The following OR2A5 variants were observed in gnomAD, a reference collection of about 807,000 sequenced individuals.
OR2A5 encodes the protein olfactory receptor family 2 subfamily A member 5.
In OR2A5, 2 loss-of-function variants were observed where a neutral mutation model predicts 1.9. That is an observed-to-expected ratio of 1.04 (90% CI 0.43 to 3.28). The LOEUF is 3.28. Among genes scored for constraint, OR2A5 ranks in the 30% most tolerant of loss-of-function variants. The pLI, the probability that OR2A5 is intolerant of heterozygous loss-of-function variation, is 0.08. For synonymous variants in OR2A5, 160 were observed against 154.5 expected (o/e 1.04, Z -0.26); for missense variants, 391 against 375.9 (o/e 1.04, Z -0.33).
rs2050948036 is a variant in OR2A5 at position 144,057,202 on chromosome 7, A to C, written c.*5865A>C. The C allele has an allele frequency of 6.6e-6, 1 of 152,320 alleles. No homozygotes were observed. Among genetic ancestry groups the C allele is most frequent in the Non-Finnish European group, 1.5e-5 (1 of 68,030 alleles). 9.4% of individuals were successfully genotyped at this position (152,320 alleles called of 1,614,324 possible). ...GGAAAAAATGTGAAATAGAACATGG[A>C]ATGCATAATTTTCCCAAAATGCAAC... is the stretch of plus-strand genomic sequence containing the variant. On this transcript the variant is annotated 3_prime_UTR_variant, in exon 2 of 2. Transcript: ENST00000641693.
chr7:144,050,371 C>A lies in OR2A5; in HGVS notation c.-31C>A. On this transcript the variant is annotated 5_prime_UTR_variant, in exon 2 of 2. Coordinates refer to ENST00000641693, the MANE Select transcript of OR2A5 (RefSeq NM_012365.2). ...CTCAGCACATAGCTCATTGCCACAG[C>A]AGAGTCCAACGCAGGTACTGTCACA... The A allele has an allele frequency of 7.1e-7, 1 of 1,413,934 alleles. No homozygotes were observed. Among genetic ancestry groups the A allele is most frequent in the Non-Finnish European group, 9.6e-7 (1 of 1,043,490 alleles). The allele number at this position is 1,413,934 out of a possible 1,614,324, so 87.6% of individuals were successfully genotyped here.
In OR2A5 at chr7:144,051,448, T is replaced by C. The variant is rs536830330; in HGVS notation, c.*111T>C. 7 of 835,194 alleles carry C rather than the reference T, an allele frequency of 8.4e-6. No individual in the cohort carries two copies. The highest frequency in any genetic ancestry group is 8.3e-5 in the Admixed American group (3 of 35,968). 51.7% of individuals were successfully genotyped at this position (835,194 alleles called of 1,614,324 possible). On this transcript the variant is annotated 3_prime_UTR_variant, in exon 2 of 2. Transcript: ENST00000641693. ...TCTCTTAGATTTCTGATATCAAGAA[T>C]GTATATTGATTGGATTCTATCCCTA...
rs1243235850 is a variant in OR2A5 at position 144,052,931 on chromosome 7, A to G, written c.*1594A>G. 6.6e-6 allele frequency: 1 copy of G among 152,146 alleles called. No individual in the cohort carries two copies. The highest frequency in any genetic ancestry group is 2.4e-5 in the African/African-American group (1 of 41,462). The allele number at this position is 152,146 out of a possible 1,614,324, so 9.4% of individuals were successfully genotyped here. The stretch of plus-strand genomic sequence containing the variant: ...GAAAGGACTTTCTAACTATATCTGA[A>G]AAAAATTATTACATTCCCTAAAATA... On this transcript the variant is annotated 3_prime_UTR_variant, in exon 2 of 2. Coordinates refer to ENST00000641693, the MANE Select transcript of OR2A5 (RefSeq NM_012365.2).
At chr7:144,049,789 T>C (rs534957609) in intron 1 of OR2A5, among the ~76,000 whole-genome samples, 1 of 152,342 alleles carries the variant, frequency 6.6e-6, no homozygotes, top group South Asian at 2.1e-4. Flanking sequence ...GTAAAACATT[T>C]AATGCAAGCT....
At position 144,051,215 on chromosome 7, in the gene OR2A5, A is replaced by C; in HGVS notation, c.814A>C (p.Lys272Gln). 1 of 1,614,168 alleles carries C rather than the reference A, an allele frequency of 6.2e-7. No individual in the cohort carries two copies. The highest frequency in any genetic ancestry group is 8.5e-7 in the Non-Finnish European group (1 of 1,180,018). The change falls in exon 2 of 2, where the codon AAG becomes CAG. Residue 272 changes from lysine to glutamine, a missense_variant. Coordinates refer to ENST00000641693, the MANE Select transcript of OR2A5 (RefSeq NM_012365.2). ...PKSRHPEEQQKVLSLFYSLFN... is the reference protein window; with the variant it reads ...PKSRHPEEQQQVLSLFYSLFN... ...GTCCCGCCACCCTGAGGAGCAGCAG[A>C]AGGTCCTTTCCCTGTTTTACAGCCT... is the stretch of plus-strand genomic sequence containing the variant.
chr7:144,051,117 C>T lies in OR2A5; in HGVS notation c.716C>T (p.Ser239Phe), dbSNP rs935838905. Residue 239 changes from serine (S) to phenylalanine (F), a missense_variant, in exon 2 of 2, where the codon TCC becomes TTC. Physicochemically the swap from Ser to Phe is radical, Grantham distance 155 (BLOSUM62 -2). Transcript: ENST00000641693. ...GGGGAGGGCCGCAGAAAGGCCTTCT[C>T]CACCTGCTCCTCCCACCTTTGCATG... ...QSGEGRRKAF[S>F]TCSSHLCMVG... 6.2e-7 allele frequency: 1 copy of T among 1,614,120 alleles called. No homozygotes were observed. Among genetic ancestry groups the T allele is most frequent in the Admixed American group, 1.7e-5 (1 of 60,014 alleles).
chr7:144,050,590 A>G lies in OR2A5; in HGVS notation c.189A>G (p.Ser63=). 1 of 1,610,944 alleles carries G rather than the reference A, an allele frequency of 6.2e-7. No homozygotes were observed. The change falls in exon 2 of 2, where the codon TCA becomes TCG. Residue 63 remains serine (S), a synonymous_variant. Coordinates refer to ENST00000641693, the MANE Select transcript of OR2A5 (RefSeq NM_012365.2). ...RLHTPMYFFL[S]HLAIIDISYA... ...ACACCCCCATGTACTTCTTTCTCTC[A>G]CACCTGGCCATCATTGATATTTCGT...
chr7:144,050,902 C>T lies in OR2A5; in HGVS notation c.501C>T (p.Pro167=). Residue 167 remains proline (P), a synonymous_variant, in exon 2 of 2, where the codon CCC becomes CCT. Coordinates refer to ENST00000641693, the MANE Select transcript of OR2A5 (RefSeq NM_012365.2). ...ATGTGGTTCTCATCCTGAGGCTGCC[C>T]TTCTGTGGGCCCCATGAAATCAACC... ...LVHVVLILRL[P]FCGPHEINHF... 6.2e-7 allele frequency: 1 copy of T among 1,614,206 alleles called. No individual in the cohort carries two copies. Among genetic ancestry groups the T allele is most frequent in the Non-Finnish European group, 8.5e-7 (1 of 1,180,040 alleles).
Position 144,050,440 on chromosome 7 carries a change from C to CCTGGGAT in OR2A5, c.40_46dup (p.Phe16SerfsTer56). 1 of 1,547,630 alleles carries CCTGGGAT rather than the reference C, an allele frequency of 6.5e-7. No homozygotes were observed. Among genetic ancestry groups the CCTGGGAT allele is most frequent in the Non-Finnish European group, 8.7e-7 (1 of 1,153,500 alleles). On this transcript the variant is annotated frameshift_variant, in exon 2 of 2. Coordinates refer to ENST00000641693, the MANE Select transcript of OR2A5 (RefSeq NM_012365.2). LOFTEE classifies it low-confidence loss of function (END_TRUNC). ...AGACATGGGTCACAGAATTCATTCT[C>CCTGGGAT]CTGGGATTTCCACTCAGCCTAAGGA...
Position 144,056,550 on chromosome 7 carries a change from G to C in OR2A5, c.*5213G>C, listed in dbSNP as rs1338171565. The C allele has an allele frequency of 6.6e-6, 1 of 152,186 alleles. No homozygotes were observed. 9.4% of individuals were successfully genotyped at this position (152,186 alleles called of 1,614,324 possible). Reference sequence around the variant, plus strand: ...TAAATCTATTTTCAGAAGCTGCCAAGAGAAGCAGCCCAAAATATCAACAAC... The same window carrying C: ...TAAATCTATTTTCAGAAGCTGCCAACAGAAGCAGCCCAAAATATCAACAAC... On this transcript the variant is annotated 3_prime_UTR_variant, in exon 2 of 2. Coordinates refer to ENST00000641693, the MANE Select transcript of OR2A5 (RefSeq NM_012365.2).
Position 144,055,432 on chromosome 7 carries a change from C to T in OR2A5, c.*4095C>T, listed in dbSNP as rs868326062. ...TGAAAATTTAAGATTTCATAATAAA[C>T]TTTTTCATCTTTTTAATGAGGGGCG... On this transcript the variant is annotated 3_prime_UTR_variant, in exon 2 of 2. Coordinates refer to ENST00000641693, the MANE Select transcript of OR2A5 (RefSeq NM_012365.2). The T allele has an allele frequency of 6.6e-6, 1 of 152,096 alleles. No homozygotes were observed. Among genetic ancestry groups the T allele is most frequent in the South Asian group, 2.1e-4 (1 of 4,828 alleles). 9.4% of individuals were successfully genotyped at this position (152,096 alleles called of 1,614,324 possible).
chr7:144,051,348 G>C lies in OR2A5; in HGVS notation c.*11G>C. On this transcript the variant is annotated 3_prime_UTR_variant, in exon 2 of 2. Transcript: ENST00000641693. ...CAGAGATCAAAGTGAGGGATGCCAG[G>C]GAAAGTCTAGAGGGTTGAAGATTTG... The C allele has an allele frequency of 6.3e-7, 1 of 1,586,838 alleles. No individual in the cohort carries two copies. The highest frequency in any genetic ancestry group is 1.2e-5 in the South Asian group (1 of 85,794).
At chr7:144,050,243 T>C in intron 1 of OR2A5, 108 bp from the exon 2 acceptor site, 1 of 528,992 alleles carries the variant, frequency 1.9e-6, no homozygotes, top group Admixed American at 3.5e-5. Context: ...TTAAAGGATT[T>C]GGCATAATGG....
In OR2A5 at chr7:144,051,915, T is replaced by C. The variant is rs2050910080; in HGVS notation, c.*578T>C. The C allele has an allele frequency of 6.6e-6, 1 of 152,368 alleles. No homozygotes were observed. Among genetic ancestry groups the C allele is most frequent in the African/African-American group, 2.4e-5 (1 of 41,464 alleles). 9.4% of individuals were successfully genotyped at this position (152,368 alleles called of 1,614,324 possible). Reference sequence around the variant, plus strand: ...AAGTTTAATTGTATAGATTTTTTTATATAAAAGGCAGAGAAATATCAGGAT... The same window carrying C: ...AAGTTTAATTGTATAGATTTTTTTACATAAAAGGCAGAGAAATATCAGGAT... On this transcript the variant is annotated 3_prime_UTR_variant, in exon 2 of 2. Transcript: ENST00000641693.
In OR2A5 at chr7:144,055,888, C is replaced by G. The variant is rs773770658; in HGVS notation, c.*4551C>G. 9 of 152,518 alleles carry G rather than the reference C, an allele frequency of 5.9e-5. No homozygotes were observed. Among genetic ancestry groups the G allele is most frequent in the Non-Finnish European group, 1.2e-4 (8 of 68,458 alleles). 9.4% of individuals were successfully genotyped at this position (152,518 alleles called of 1,614,324 possible). Reference sequence around the variant, plus strand: ...TTCCAGCCTGGGCAACAGAGTGGGACCCCATCTTTGAAAAAACAAACAAAC... The same window carrying G: ...TTCCAGCCTGGGCAACAGAGTGGGAGCCCATCTTTGAAAAAACAAACAAAC... On this transcript the variant is annotated 3_prime_UTR_variant, in exon 2 of 2. Transcript: ENST00000641693.
Position 144,051,939 on chromosome 7 carries a change from A to G in OR2A5, c.*602A>G, listed in dbSNP as rs1194742096. The G allele has an allele frequency of 6.6e-6, 1 of 152,314 alleles. No homozygotes were observed. Among genetic ancestry groups the G allele is most frequent in the Non-Finnish European group, 1.5e-5 (1 of 68,112 alleles). 9.4% of individuals were successfully genotyped at this position (152,314 alleles called of 1,614,324 possible). ...ATATAAAAGGCAGAGAAATATCAGG[A>G]TCTTTGTTTCATTTCACTTAATTCT... On this transcript the variant is annotated 3_prime_UTR_variant, in exon 2 of 2. Coordinates refer to ENST00000641693, the MANE Select transcript of OR2A5 (RefSeq NM_012365.2).
At position 144,051,222 on chromosome 7, in the gene OR2A5, T is replaced by C. The variant is rs2050904074; in HGVS notation, c.821T>C (p.Leu274Pro). 6.2e-7 allele frequency: 1 copy of C among 1,614,084 alleles called. No homozygotes were observed. The highest frequency in any genetic ancestry group is 1.7e-5 in the Admixed American group (1 of 60,008). ...SRHPEEQQKV[L>P]SLFYSLFNPM... is the part of the protein sequence containing the mutation. Reference sequence around the variant, plus strand: ...CACCCTGAGGAGCAGCAGAAGGTCCTTTCCCTGTTTTACAGCCTTTTCAAC... The same window carrying C: ...CACCCTGAGGAGCAGCAGAAGGTCCCTTCCCTGTTTTACAGCCTTTTCAAC... Residue 274 changes from leucine to proline, a missense_variant, in exon 2 of 2, where the codon CTT becomes CCT. Coordinates refer to ENST00000641693, the MANE Select transcript of OR2A5 (RefSeq NM_012365.2).
In OR2A5 at chr7:144,056,909, G is replaced by A. The variant is rs1161050952; in HGVS notation, c.*5572G>A. 1 of 147,100 alleles carries A rather than the reference G, an allele frequency of 6.8e-6. No homozygotes were observed. Among genetic ancestry groups the A allele is most frequent in the Non-Finnish European group, 1.5e-5 (1 of 67,708 alleles). 9.1% of individuals were successfully genotyped at this position (147,100 alleles called of 1,614,324 possible). On this transcript the variant is annotated 3_prime_UTR_variant, in exon 2 of 2. Coordinates refer to ENST00000641693, the MANE Select transcript of OR2A5 (RefSeq NM_012365.2). ...GGTTCACTGCAAGCTCTGCCTCCTGGTTTCATGCCATTCTCCTGCCTCAGC... is the reference window on the plus strand; with the variant it reads ...GGTTCACTGCAAGCTCTGCCTCCTGATTTCATGCCATTCTCCTGCCTCAGC...
In OR2A5 at chr7:144,050,581, CT is replaced by C; in HGVS notation, c.183del (p.Leu62SerfsTer20). On this transcript the variant is annotated frameshift_variant, in exon 2 of 2. Coordinates refer to ENST00000641693, the MANE Select transcript of OR2A5 (RefSeq NM_012365.2). LOFTEE classifies it low-confidence loss of function (END_TRUNC). ...DSRLHTPMYF[F>X]LSHLAIIDIS... is the part of the protein sequence containing the mutation. ...CCAGACTGCACACCCCCATGTACTT[CT>C]TTCTCTCACACCTGGCCATCATTGA... The C allele has an allele frequency of 1.2e-6, 2 of 1,610,616 alleles. No individual in the cohort carries two copies. The highest frequency in any genetic ancestry group is 1.7e-6 in the Non-Finnish European group (2 of 1,178,164).
Sources: gnomAD v4.1 joint callset for allele counts (sites outside exome capture counted in the v4.1 genomes callset) on GRCh38, gnomAD v4.1.1 for gene constraint, MANE v1.5 for transcripts, NCBI Gene and HGNC (gene_info 2026-07-23, HGNC 2026-07-21) for gene names.